Variants in ENOX1 observed in about 807,000 individuals in gnomAD.
ENOX1 encodes ecto-NOX disulfide-thiol exchanger 1, also known as candidate growth-related and time keeping constitutive hydroquinone (NADH) oxidase.
In ENOX1, 42 loss-of-function variants were observed where a neutral mutation model predicts 82.5. The ratio of observed to expected loss-of-function variants is 0.51; its 90% CI spans 0.40 to 0.66. The LOEUF (loss-of-function observed/expected upper bound fraction) is 0.66. Ranked by LOEUF, ENOX1 falls within the 30% of genes least tolerant of loss-of-function variation. ENOX1 has a pLI of 0.00. For missense variants in ENOX1, 608 were observed against 811.6 expected, an observed-to-expected ratio of 0.75 and a Z score of 3.05; for synonymous variants, 271 against 282.2, an observed-to-expected ratio of 0.96 and a Z score of 0.40.
At chr13:43,559,022 A>G (rs2079558038) in intron 2 of ENOX1, among the ~76,000 whole-genome samples, 1 of 152,204 alleles carries the variant, frequency 6.6e-6, no homozygotes, top group Non-Finnish European at 1.5e-5. Context: ...CTCGGCTTCC[A>G]TAACAAAAAG....
chr13:43,611,940 G>A (rs1158155071), intron 2 of ENOX1, among the ~76,000 whole-genome samples: 1 of 152,194 alleles, frequency 6.6e-6, no homozygotes. Context: ...CCAAGAGTCT[G>A]ATATCACATT....
At chr13:43,506,786 T>C (rs970820488) in intron 2 of ENOX1, among the ~76,000 whole-genome samples, 14 of 140,328 alleles carry the variant, frequency 1.0e-4, no homozygotes, top group African/African-American at 3.4e-4. Flanking sequence ...AATTGAACAA[T>C]GAGAACACAT....
intron 1 of ENOX1, among the ~76,000 whole-genome samples, chr13:43,760,675 G>A (rs1950913795): frequency 6.6e-6 from 1 of 151,748 alleles, no homozygotes; most frequent in Non-Finnish European, 1.5e-5. Context: ...TTATAAGCTG[G>A]AACATAAATA....
chr13:43,215,455 A>G (rs1044243357), intron 16 of ENOX1, among the ~76,000 whole-genome samples: 1 of 152,244 alleles, frequency 6.6e-6, no homozygotes, highest in African/African-American at 2.4e-5. Flanking sequence ...AAGGTTCATA[A>G]TAACTTTGAG....
chr13:43,235,693 T>C (rs1264745261), intron 15 of ENOX1, among the ~76,000 whole-genome samples: 5 of 150,360 alleles, frequency 3.3e-5, no homozygotes, highest in East Asian at 3.9e-4. Context: ...GATTGTGCCA[T>C]TGCACTCCAG....
intron 5 of ENOX1, among the ~76,000 whole-genome samples, chr13:43,379,788 T>C (rs1214737113): frequency 6.6e-6 from 1 of 151,784 alleles, no homozygotes; most frequent in African/African-American, 2.4e-5. Flanking sequence ...ATAGAAACTA[T>C]AAGCTCACAG....
chr13:43,523,601 A>G (rs553826291), intron 2 of ENOX1, among the ~76,000 whole-genome samples: 70 of 152,178 alleles, frequency 4.6e-4, no homozygotes, highest in Non-Finnish European at 9.7e-4. Context: ...AAGGAAATAA[A>G]TCTTTTAAGA....
chr13:43,609,081 C>T (rs1472263782), intron 2 of ENOX1, among the ~76,000 whole-genome samples: 1 of 152,194 alleles, frequency 6.6e-6, no homozygotes, highest in Non-Finnish European at 1.5e-5. Flanking sequence ...TCAGTAAGTG[C>T]TAGAGCCCCT....
intron 1 of ENOX1, among the ~76,000 whole-genome samples, chr13:43,766,547 T>C (rs9525839): frequency 0.32 from 48,861 of 152,116 alleles, 8,289 homozygotes; most frequent in East Asian, 0.5. Flanking sequence ...CACACTGCTA[T>C]AGCTCAACTG....
At chr13:43,269,288 T>C (rs551203054) in intron 13 of ENOX1, among the ~76,000 whole-genome samples, 182 bp downstream of exon 13, 1 of 152,328 alleles carries the variant, frequency 6.6e-6, no homozygotes, top group African/African-American at 2.4e-5. Context: ...GGAGTGAGGA[T>C]AGCGATGCTG....
intron 1 of ENOX1, among the ~76,000 whole-genome samples, chr13:43,709,411 T>C (rs962340893): frequency 6.6e-6 from 1 of 151,852 alleles, no homozygotes; most frequent in Non-Finnish European, 1.5e-5. Context: ...ACAGAAGAAA[T>C]CTTAAGAGAA....
intron 15 of ENOX1, among the ~76,000 whole-genome samples, chr13:43,227,805 T>C (rs1262407246): frequency 6.6e-6 from 1 of 152,162 alleles, no homozygotes; most frequent in Non-Finnish European, 1.5e-5. Flanking sequence ...ACTAGATATA[T>C]GTAGGGCCAA....
chr13:43,454,671 C>G (rs1376959164), intron 3 of ENOX1, among the ~76,000 whole-genome samples: 1 of 152,018 alleles, frequency 6.6e-6, no homozygotes, highest in African/African-American at 2.4e-5. Context: ...CTTACTATGA[C>G]CATGTAATAT....
At chr13:43,712,787 G>T (rs1226475119) in intron 1 of ENOX1, among the ~76,000 whole-genome samples, 1 of 152,056 alleles carries the variant, frequency 6.6e-6, no homozygotes, top group African/African-American at 2.4e-5. Context: ...TGCTGAAGTT[G>T]CTTATCAGCT....
chr13:43,249,909 A>G (rs1478362807), intron 14 of ENOX1, among the ~76,000 whole-genome samples: 1 of 152,206 alleles, frequency 6.6e-6, no homozygotes, highest in East Asian at 1.9e-4. Flanking sequence ...CATGAGAACT[A>G]TTCCAAGAAC....
chr13:43,639,249 C>CTGAG (rs2083530294), intron 2 of ENOX1, among the ~76,000 whole-genome samples: 1 of 152,282 alleles, frequency 6.6e-6, no homozygotes, highest in African/African-American at 2.4e-5. Flanking sequence ...TTGCAGTGAG[C>CTGAG]TGAGACGGCG....
intron 2 of ENOX1, among the ~76,000 whole-genome samples, chr13:43,614,751 G>T (rs2082336859): frequency 6.6e-6 from 1 of 152,068 alleles, no homozygotes; most frequent in Non-Finnish European, 1.5e-5. Flanking sequence ...GGTAGGTCTG[G>T]GAGGAGCCCC....
intron 9 of ENOX1, among the ~76,000 whole-genome samples, chr13:43,333,599 G>C (rs549180003): frequency 3.9e-5 from 6 of 152,176 alleles, no homozygotes; most frequent in Non-Finnish European, 8.8e-5. Flanking sequence ...TCCCTTAGTG[G>C]TTATGAAAAT....
chr13:43,327,931 T>C (rs1047957758), intron 9 of ENOX1, among the ~76,000 whole-genome samples: 1 of 152,246 alleles, frequency 6.6e-6, no homozygotes, highest in African/African-American at 2.4e-5. Context: ...TTGCTATTAA[T>C]ATTTTTACTA....
Sources: allele counts gnomAD v4.1 joint callset (sites outside exome capture counted in the v4.1 genomes callset), GRCh38; gene constraint gnomAD v4.1.1; transcripts MANE v1.5; gene names NCBI Gene and HGNC (gene_info 2026-07-23, HGNC 2026-07-21).